The following PDE4D variants were observed in gnomAD, a reference collection of about 807,000 sequenced individuals.
PDE4D encodes phosphodiesterase 4D.
In PDE4D, 24 loss-of-function variants were observed where a neutral mutation model predicts 87.4. That is an observed-to-expected ratio of 0.27 (90% confidence interval 0.20 to 0.39). PDE4D has a LOEUF of 0.39. Ranked by LOEUF, PDE4D falls within the 10% of genes least tolerant of loss-of-function variation. PDE4D has a pLI of 1.00. For synonymous variants in PDE4D, 384 were observed against 383.2 expected, an observed-to-expected ratio of 1.00 and a Z score of -0.02; for missense variants, 714 against 1,041.0, an observed-to-expected ratio of 0.69 and a Z score of 4.32.
At chr5:59,282,909 G>A (rs1333768499) in intron 1 of PDE4D, among the ~76,000 whole-genome samples, 5 of 152,096 alleles carry the variant, frequency 3.3e-5, no homozygotes, top group Non-Finnish European at 7.4e-5. Flanking sequence ...TTTCTCTAAT[G>A]TAAAACAGCT....
At position 60,095,861 on chromosome 5, in the gene PDE4D, T is replaced by A. The variant is rs185981854; in HGVS notation, c.42+89696A>T. On this transcript the variant is annotated intron_variant, in intron 2 of 16. Transcript: ENST00000502484. ...TGGCCAGTGATGATGAGCTTTTTTTTATATATTTTTTGGCCACATAAATGC... is the reference window on the plus strand; with the variant it reads ...TGGCCAGTGATGATGAGCTTTTTTTAATATATTTTTTGGCCACATAAATGC... Among the ~76,000 whole-genome samples, 702 of 152,216 alleles carry A rather than the reference T, an allele frequency of 4.6e-3. 3 individuals carry two copies. The highest frequency in any genetic ancestry group is 5.8e-3 in the Non-Finnish European group (394 of 67,992).
chr5:59,305,375 T>C (rs1771119077), intron 1 of PDE4D, among the ~76,000 whole-genome samples: 1 of 81,890 alleles, frequency 1.2e-5, no homozygotes, highest in South Asian at 4.2e-4. Flanking sequence ...TATTTTTTTG[T>C]ATGGTTTTTT....
intron 1 of PDE4D, among the ~76,000 whole-genome samples, chr5:60,373,791 A>G (rs1189075371): frequency 6.6e-6 from 1 of 152,158 alleles, no homozygotes; most frequent in African/African-American, 2.4e-5. Flanking sequence ...CTGGCTTCCA[A>G]GGGCCGTCCT....
chr5:60,025,381 C>T (rs1039876592), intron 2 of PDE4D, among the ~76,000 whole-genome samples: 1 of 152,072 alleles, frequency 6.6e-6, no homozygotes, highest in Non-Finnish European at 1.5e-5. Flanking sequence ...TTTATTCATC[C>T]CAAAGTTTTG....
intron 1 of PDE4D, among the ~76,000 whole-genome samples, chr5:60,212,489 G>C (rs1257547651): frequency 6.6e-6 from 1 of 152,154 alleles, no homozygotes; most frequent in African/African-American, 2.4e-5. Flanking sequence ...GATTTGACCT[G>C]GGGATACTAG....
chr5:59,754,616 T>C (rs150466475), intron 1 of PDE4D, among the ~76,000 whole-genome samples: 45 of 152,236 alleles, frequency 3.0e-4, no homozygotes, highest in African/African-American at 1.1e-3. Context: ...TGTGTGAGCA[T>C]TCTAGCATGG....
intron 1 of PDE4D, among the ~76,000 whole-genome samples, chr5:59,520,495 A>T (rs1483971979): frequency 6.6e-6 from 1 of 152,140 alleles, no homozygotes; most frequent in South Asian, 2.1e-4. Context: ...GGGCAAGAAG[A>T]TCTACGTGGG....
At chr5:59,682,635 C>A (rs1053008998) in intron 1 of PDE4D, among the ~76,000 whole-genome samples, 3 of 152,126 alleles carry the variant, frequency 2.0e-5, no homozygotes, top group Non-Finnish European at 4.4e-5. Context: ...AAAGAGACCC[C>A]AGAGAACTCT....
intron 5 of PDE4D, among the ~76,000 whole-genome samples, chr5:59,110,877 A>T (rs904417364): frequency 3.9e-5 from 6 of 152,122 alleles, no homozygotes; most frequent in Admixed American, 2.6e-4. Flanking sequence ...GTCTCAAAAA[A>T]GAAAAGAAAA....
intron 1 of PDE4D, among the ~76,000 whole-genome samples, chr5:59,234,455 A>G (rs1426589196): frequency 1.3e-5 from 2 of 152,188 alleles, no homozygotes; most frequent in Non-Finnish European, 2.9e-5. Context: ...CATTCAATTC[A>G]GCAAAGATTT....
chr5:59,758,020 T>C (rs1761496663), intron 1 of PDE4D, among the ~76,000 whole-genome samples: 1 of 152,208 alleles, frequency 6.6e-6, no homozygotes, highest in African/African-American at 2.4e-5. Context: ...GTAAAATCTT[T>C]GAATATTCAT....
intron 11 of PDE4D, among the ~76,000 whole-genome samples, chr5:58,986,810 A>T (rs1487081068): frequency 1.3e-5 from 2 of 152,174 alleles, no homozygotes; most frequent in African/African-American, 4.8e-5. Context: ...ACCCTTAAAA[A>T]ATGTATCAGA....
At chr5:59,922,806 T>A (rs1213159143) in intron 3 of PDE4D, among the ~76,000 whole-genome samples, 1 of 151,912 alleles carries the variant, frequency 6.6e-6, no homozygotes, top group African/African-American at 2.4e-5. Flanking sequence ...AAAAGACTGC[T>A]TCTGCTTGAG....
At chr5:59,657,716 T>C (rs559921629) in intron 1 of PDE4D, among the ~76,000 whole-genome samples, 2 of 152,324 alleles carry the variant, frequency 1.3e-5, no homozygotes, top group Non-Finnish European at 2.9e-5. Flanking sequence ...TCGCAATTCT[T>C]CTTCAAACTA....
At chr5:60,257,201 A>T (rs143584562) in intron 1 of PDE4D, among the ~76,000 whole-genome samples, 1,485 of 141,824 alleles carry the variant, frequency 0.01, 34 homozygotes, top group African/African-American at 0.038. Context: ...AAAGAAAGAA[A>T]GAATGAATGA....
intron 1 of PDE4D, among the ~76,000 whole-genome samples, chr5:59,279,815 G>C (rs1486153110): frequency 1.3e-5 from 2 of 149,710 alleles, no homozygotes; most frequent in Non-Finnish European, 1.5e-5. Flanking sequence ...GTGTGTGTTT[G>C]TGTGTGTGTG....
intron 3 of PDE4D, chr5:59,986,981 G>A (rs1762513414): frequency 6.6e-6 from 1 of 152,086 alleles, no homozygotes; most frequent in Non-Finnish European, 1.5e-5. Context: ...GGGGACTCTT[G>A]GAAGCTTATG....
Position 60,381,623 on chromosome 5 carries a change from G to A in PDE4D, c.-90+106319C>T, listed in dbSNP as rs531461259. 7.9e-5 allele frequency among the ~76,000 whole-genome samples: 12 copies of A among 152,240 alleles called. No homozygotes were observed. In the East Asian group the frequency reaches 1.7e-3, roughly 22 times the overall value. On this transcript the variant is annotated intron_variant, in intron 1 of 16. Coordinates refer to the PDE4D transcript ENST00000502484. ...AAATGGTAGTTTAGTGAACAGATAC[G>A]GGAAAGTCAGAAGGAACTGGTGAGC...
At chr5:59,138,277 T>G (rs575020998) in intron 5 of PDE4D, among the ~76,000 whole-genome samples, 1 of 152,288 alleles carries the variant, frequency 6.6e-6, no homozygotes, top group East Asian at 1.9e-4. Flanking sequence ...TTAGCTTGAT[T>G]ACATTTTCTT....
Sources: gnomAD v4.1 joint callset for allele counts (sites outside exome capture counted in the v4.1 genomes callset) on GRCh38, gnomAD v4.1.1 for gene constraint, MANE v1.5 for transcripts, NCBI Gene and HGNC (gene_info 2026-07-23, HGNC 2026-07-21) for gene names.